CNTLN: variants seen among roughly 807,000 people sequenced by gnomAD.
CNTLN encodes centlein, centrosomal protein.
CNTLN carries 212 observed loss-of-function variants against 180.0 expected under a neutral mutation model. The observed-to-expected ratio is 1.18, with a 90% CI of 1.05 to 1.32. The LOEUF (loss-of-function observed/expected upper bound fraction) is 1.32, where lower values mean the gene tolerates loss of function less well. Ranked by LOEUF, CNTLN falls within the 40% of genes most tolerant of loss-of-function variation. The probability of loss-of-function intolerance (pLI) is 0.00; values close to 1 mark genes in which losing one functional copy is unlikely to be tolerated. For synonymous variants in CNTLN, 722 were observed against 563.1 expected, an observed-to-expected ratio of 1.28 and a Z score of -3.99; for missense variants, 2,095 against 1,610.9, an observed-to-expected ratio of 1.30 and a Z score of -5.14.
chr9:17,142,386 T>C (rs1818166295), intron 1 of CNTLN, among the ~76,000 whole-genome samples: 1 of 152,156 alleles, frequency 6.6e-6, no homozygotes, highest in Non-Finnish European at 1.5e-5. Flanking sequence ...TTTGAATAAA[T>C]GAATAGATGG....
At chr9:17,202,199 C>G (rs1336510554) in intron 2 of CNTLN, among the ~76,000 whole-genome samples, 1 of 152,136 alleles carries the variant, frequency 6.6e-6, no homozygotes, top group Non-Finnish European at 1.5e-5. Context: ...GTCTGAGAGA[C>G]TGTTTATTAT....
intron 12 of CNTLN, among the ~76,000 whole-genome samples, chr9:17,356,918 G>T (rs1394809572): frequency 6.6e-6 from 1 of 151,770 alleles, no homozygotes; most frequent in Non-Finnish European, 1.5e-5. Context: ...CTAAAATATA[G>T]AAATGATTTA....
chr9:17,519,879 A>G, the CNTLN span, among the ~76,000 whole-genome samples: 5 of 152,246 alleles, frequency 3.3e-5, no homozygotes, highest in African/African-American at 1.2e-4. Context: ...CAAACAGGAC[A>G]TAAAGCTACA....
At chr9:17,448,836 A>C (rs1238661663) in intron 18 of CNTLN, among the ~76,000 whole-genome samples, 1 of 152,212 alleles carries the variant, frequency 6.6e-6, no homozygotes, top group Non-Finnish European at 1.5e-5. Context: ...ATATAATTAA[A>C]GTGGTGAATA....
chr9:17,156,470 A>G (rs1352847334), intron 2 of CNTLN, among the ~76,000 whole-genome samples: 1 of 152,062 alleles, frequency 6.6e-6, no homozygotes, highest in African/African-American at 2.4e-5. Context: ...TGCTGAATAT[A>G]TAGGTTCATT....
At chr9:17,471,301 G>T (rs2441994) in intron 23 of CNTLN, among the ~76,000 whole-genome samples, 142,441 of 152,010 alleles carry the variant, frequency 0.94, 67,466 homozygotes, top group East Asian at 1. Flanking sequence ...AACTAAAAAT[G>T]ACATGTATCG....
rs748682315 is a variant in CNTLN, at chr9:17,135,327, C to A, written c.262C>A (p.Arg88=). The stretch of plus-strand genomic sequence containing the variant: ...CCTCAGCGCGCCCATGGGGTCCAGA[C>A]GGCTAGAGGGCATCTCGGTAGAGGA... ...PLLSAPMGSR[R]LEGISVEEAM... is the part of the protein sequence containing the mutation. Residue 88 remains arginine (R), a synonymous_variant, in exon 1 of 26, where the codon CGG becomes AGG. Transcript: ENST00000380647. The A allele has an allele frequency of 1.2e-6, 2 of 1,602,338 alleles. No homozygotes were observed. The highest frequency in any genetic ancestry group is 1.7e-6 in the Non-Finnish European group (2 of 1,175,234).
chr9:17,303,776 A>G (rs556401858), intron 7 of CNTLN, among the ~76,000 whole-genome samples: 1 of 152,214 alleles, frequency 6.6e-6, no homozygotes, highest in Admixed American at 6.5e-5. Flanking sequence ...CAATAATGAG[A>G]TGAAATTATT....
At chr9:17,284,167 G>T (rs902348259) in intron 6 of CNTLN, among the ~76,000 whole-genome samples, 1 of 152,056 alleles carries the variant, frequency 6.6e-6, no homozygotes, top group Non-Finnish European at 1.5e-5. Flanking sequence ...GATTACAGGC[G>T]CTTCCAGTAT....
chr9:17,276,644 G>A (rs1258419047), intron 6 of CNTLN, among the ~76,000 whole-genome samples: 1 of 151,834 alleles, frequency 6.6e-6, no homozygotes, highest in Non-Finnish European at 1.5e-5. Context: ...TCATTCCTTG[G>A]TATCTGTGGG....
At chr9:17,491,931 G>A (rs1833183234) in intron 25 of CNTLN, among the ~76,000 whole-genome samples, 1 of 151,998 alleles carries the variant, frequency 6.6e-6, no homozygotes, top group Admixed American at 6.6e-5. Flanking sequence ...TTAACTGAAA[G>A]TTTCTCCTTG....
At chr9:17,319,048 T>A (rs886878942) in intron 8 of CNTLN, among the ~76,000 whole-genome samples, 6 of 152,212 alleles carry the variant, frequency 3.9e-5, no homozygotes, top group Middle Eastern at 3.4e-3. Context: ...ATGAAACAAA[T>A]AGGAACCTGT....
chr9:17,235,066 G>A (rs1466737736), intron 3 of CNTLN, among the ~76,000 whole-genome samples: 2 of 152,072 alleles, frequency 1.3e-5, no homozygotes, highest in Non-Finnish European at 2.9e-5. Context: ...AGAGAAACAA[G>A]GAAAGCTAAA....
At chr9:17,301,418 G>C (rs1477292578) in intron 7 of CNTLN, 3 of 985,254 alleles carry the variant, frequency 3.0e-6, no homozygotes, top group East Asian at 2.3e-4. Flanking sequence ...AAAAATAAAA[G>C]AGAACAAACT....
chr9:17,220,643 G>T (rs768988865), intron 2 of CNTLN, among the ~76,000 whole-genome samples: 1 of 152,012 alleles, frequency 6.6e-6, no homozygotes, highest in African/African-American at 2.4e-5. Context: ...TGCAGCCATG[G>T]GTTCTCATCA....
Position 17,457,539 on chromosome 9 carries a change from T to G in CNTLN, c.3130T>G (p.Leu1044Val). Residue 1044 changes from leucine (L) to valine (V), a missense_variant, in exon 19 of 26, where the codon TTG (leucine) becomes GTG (valine). By Grantham distance (32) the Leu-to-Val change is conservative. Coordinates refer to ENST00000380647, the MANE Select transcript of CNTLN (RefSeq NM_017738.4). ...TAAAAAAAAGAAGCTAAATTTGGAT[T>G]TGGCTGGGCTTCGGAAAGAAAAAGA... Reference protein sequence around the residue: ...RQTIKKLNLDLAGLRKEKEDL... With the variant: ...RQTIKKLNLDVAGLRKEKEDL... 6.8e-7 allele frequency: 1 copy of G among 1,473,640 alleles called. No homozygotes were observed. The highest frequency in any genetic ancestry group is 9.0e-7 in the Non-Finnish European group (1 of 1,111,546). The allele number at this position is 1,473,640 out of a possible 1,614,324, so 91.3% of individuals were successfully genotyped here.
chr9:17,287,218 C>T (rs1199872999), intron 6 of CNTLN, among the ~76,000 whole-genome samples: 3 of 151,310 alleles, frequency 2.0e-5, no homozygotes, highest in Non-Finnish European at 4.4e-5. Flanking sequence ...TAGCATGAAG[C>T]GTTGCTGAAT....
chr9:17,428,324 C>A (rs1022980907), intron 18 of CNTLN, among the ~76,000 whole-genome samples: 3 of 152,060 alleles, frequency 2.0e-5, no homozygotes, highest in Non-Finnish European at 2.9e-5. Context: ...AATAGCTAAC[C>A]TTTACGTGCT....
At chr9:17,323,401 G>A (rs1482532056) in intron 8 of CNTLN, among the ~76,000 whole-genome samples, 1 of 152,164 alleles carries the variant, frequency 6.6e-6, no homozygotes, top group African/African-American at 2.4e-5. Context: ...CATTAGCCAT[G>A]GCACTCTCAT....
Sources: gnomAD v4.1 joint callset for allele counts (sites outside exome capture counted in the v4.1 genomes callset) on GRCh38, gnomAD v4.1.1 for gene constraint, MANE v1.5 for transcripts, NCBI Gene and HGNC (gene_info 2026-07-23, HGNC 2026-07-21) for gene names.